Variants in THSD4 observed in about 807,000 individuals in gnomAD.
THSD4 encodes thrombospondin type-1 domain-containing protein 4.
Under a neutral mutation model 119.0 loss-of-function variants are expected in THSD4, and 69 were observed. That is an observed-to-expected ratio of 0.58 (90% CI 0.48 to 0.71). The LOEUF (loss-of-function observed/expected upper bound fraction) is 0.71. Ranked by LOEUF, THSD4 falls within the 30% of genes least tolerant of loss-of-function variation. THSD4 has a pLI of 0.00. For missense variants in THSD4, 1,393 were observed against 1,391.1 expected, an observed-to-expected ratio of 1.00 and a Z score of -0.02; for synonymous variants, 524 against 540.4, an observed-to-expected ratio of 0.97 and a Z score of 0.42.
In THSD4 at chr15:71,184,872, T is replaced by G. The variant is rs1247834851; in HGVS notation, c.99+29940T>G. ...AGTTTCGTTTTGTTGTTTTGTTTTGTTTTCATGTTAATAATGTCACTGAGA... is the reference window on the plus strand; with the variant it reads ...AGTTTCGTTTTGTTGTTTTGTTTTGGTTTCATGTTAATAATGTCACTGAGA... On this transcript the variant is annotated intron_variant, in intron 3 of 17. Transcript: ENST00000261862. Among the ~76,000 whole-genome samples, 32 of 151,920 alleles carry G rather than the reference T, an allele frequency of 2.1e-4. 1 individual carries two copies. The East Asian group carries it at 6.2e-3, about 29-fold the overall frequency.
At chr15:71,328,255 G>T (rs1411733760) in intron 6 of THSD4, among the ~76,000 whole-genome samples, 1 of 152,102 alleles carries the variant, frequency 6.6e-6, no homozygotes, top group Non-Finnish European at 1.5e-5. Context: ...TGGCCACTTG[G>T]GGATCTCCAT....
At chr15:71,304,677 C>T (rs1280539228) in intron 6 of THSD4, among the ~76,000 whole-genome samples, 1 of 152,054 alleles carries the variant, frequency 6.6e-6, no homozygotes, top group African/African-American at 2.4e-5. Flanking sequence ...TTGAAGATGC[C>T]TAAAGGAGTT....
chr15:71,442,690 A>ATATATATG, intron 7 of THSD4, among the ~76,000 whole-genome samples: 1 of 115,284 alleles, frequency 8.7e-6, no homozygotes, highest in African/African-American at 3.1e-5. Flanking sequence ...ATATATATAT[A>ATATATATG]TATATATATA....
intron 7 of THSD4, among the ~76,000 whole-genome samples, chr15:71,522,024 T>A (rs879436566): frequency 6.6e-6 from 1 of 152,208 alleles, no homozygotes; most frequent in Non-Finnish European, 1.5e-5. Flanking sequence ...TTGAATGTAC[T>A]AATATAAAAT....
At chr15:71,706,840 A>C (rs910289329) in intron 8 of THSD4, among the ~76,000 whole-genome samples, 13 of 152,286 alleles carry the variant, frequency 8.5e-5, no homozygotes, top group African/African-American at 3.1e-4. Context: ...TTGACACTGA[A>C]GAGGAGGAGG....
At chr15:71,296,491 C>T (rs544982467) in intron 6 of THSD4, among the ~76,000 whole-genome samples, 1 of 152,266 alleles carries the variant, frequency 6.6e-6, no homozygotes, top group East Asian at 1.9e-4. Context: ...CTGTGCCTCT[C>T]GGGCAAGACG....
At chr15:71,390,849 C>CTTTTTTTTTTTT (rs1010882999) in intron 6 of THSD4, among the ~76,000 whole-genome samples, 8 of 90,882 alleles carry the variant, frequency 8.8e-5, no homozygotes, top group Non-Finnish European at 1.5e-4. Context: ...TTGGCTAAAT[C>CTTTTTTTTTTTT]TTTTTTTTTT....
At chr15:71,158,148 CTTTTTTTTTT>C (rs1193131967) in intron 3 of THSD4, among the ~76,000 whole-genome samples, 4 of 85,004 alleles carry the variant, frequency 4.7e-5, no homozygotes, top group Admixed American at 1.4e-4. Context: ...CAACACTTAT[CTTTTTTTTTT>C]TTTTTTTTTT....
At chr15:71,685,747 G>A (rs964629192) in intron 8 of THSD4, among the ~76,000 whole-genome samples, 4 of 152,026 alleles carry the variant, frequency 2.6e-5, no homozygotes, top group Non-Finnish European at 5.9e-5. Flanking sequence ...CTAGAAAAGT[G>A]GTAGTTTCTT....
chr15:71,342,596 C>T (rs1423855755), intron 6 of THSD4: 1 of 152,364 alleles, frequency 6.6e-6, no homozygotes, highest in African/African-American at 2.4e-5. Context: ...AGGCGCAGAC[C>T]CTGCAGTGGC....
chr15:71,147,297 TG>T, intron 2 of THSD4, among the ~76,000 whole-genome samples: 1 of 152,170 alleles, frequency 6.6e-6, no homozygotes, highest in Admixed American at 6.5e-5. Context: ...CTCAAATGCC[TG>T]GGCTCAAACG....
intron 4 of THSD4, among the ~76,000 whole-genome samples, chr15:71,225,551 CTTT>C (rs748966344): frequency 4.9e-5 from 2 of 41,236 alleles, no homozygotes; most frequent in Non-Finnish European, 9.7e-5. Flanking sequence ...TTTTTTTTTT[CTTT>C]TTTTTTTTTT....
At chr15:71,377,914 A>ACACACACACCCACACACCT (rs57687864) in intron 6 of THSD4, among the ~76,000 whole-genome samples, 7 of 146,146 alleles carry the variant, frequency 4.8e-5, no homozygotes, top group African/African-American at 1.8e-4. Context: ...ACACACACAC[A>ACACACACACCCACACACCT]ATTTCCTTCA....
intron 3 of THSD4, among the ~76,000 whole-genome samples, chr15:71,166,632 T>C (rs1294742519): frequency 6.6e-6 from 1 of 152,112 alleles, no homozygotes; most frequent in Admixed American, 6.5e-5. Flanking sequence ...GATATCTCAC[T>C]TCCCTCTCTG....
At chr15:71,604,834 A>C (rs1474975188) in intron 7 of THSD4, among the ~76,000 whole-genome samples, 9 of 133,296 alleles carry the variant, frequency 6.8e-5, no homozygotes, top group East Asian at 8.3e-4. Flanking sequence ...AAAACAAAAA[A>C]AAAACCTGTC....
At chr15:71,473,946 T>G (rs2047621291) in intron 7 of THSD4, among the ~76,000 whole-genome samples, 2 of 152,172 alleles carry the variant, frequency 1.3e-5, no homozygotes, top group South Asian at 4.1e-4. Flanking sequence ...ATGGTGGTTT[T>G]CAAAGCATCC....
At chr15:71,618,720 C>A (rs544324837) in intron 7 of THSD4, among the ~76,000 whole-genome samples, 2 of 151,886 alleles carry the variant, frequency 1.3e-5, no homozygotes, top group Non-Finnish European at 2.9e-5. Flanking sequence ...ACCACAGGTG[C>A]GTGTCACCAC....
chr15:71,634,098 A>G (rs990605951), intron 7 of THSD4, among the ~76,000 whole-genome samples: 3 of 151,960 alleles, frequency 2.0e-5, no homozygotes, highest in Non-Finnish European at 4.4e-5. Context: ...GAGGCAGGAG[A>G]ATGGCTTGAA....
At chr15:71,512,779 A>G (rs6494940) in intron 7 of THSD4, among the ~76,000 whole-genome samples, 36,774 of 151,970 alleles carry the variant, frequency 0.24, 4,883 homozygotes, top group African/African-American at 0.35. Context: ...CCAGTATCCC[A>G]GCAGGACAGA....
Sources: allele counts gnomAD v4.1 joint callset (sites outside exome capture counted in the v4.1 genomes callset), GRCh38; gene constraint gnomAD v4.1.1; transcripts MANE v1.5; gene names NCBI Gene and HGNC (gene_info 2026-07-23, HGNC 2026-07-21).